IL34: variants seen among roughly 807,000 people sequenced by gnomAD.
The protein encoded by IL34 is interleukin 34.
In IL34, 17 loss-of-function variants were observed where a neutral mutation model predicts 25.3. The ratio of observed to expected loss-of-function variants is 0.67; its 90% CI spans 0.46 to 1.01. The LOEUF (loss-of-function observed/expected upper bound fraction) is 1.01. IL34 is among the 50% of genes least tolerant of loss of function. IL34 has a pLI of 0.00. For synonymous variants in IL34, 174 were observed against 140.9 expected, an observed-to-expected ratio of 1.23 and a Z score of -1.66; for missense variants, 368 against 312.9, an observed-to-expected ratio of 1.18 and a Z score of -1.33.
chr16:70,640,823 C>T (rs2051764236), intron 1 of IL34, among the ~76,000 whole-genome samples: 1 of 152,114 alleles, frequency 6.6e-6, no homozygotes, highest in South Asian at 2.1e-4. Flanking sequence ...TCCCAAAATT[C>T]CCCTGCGCCC....
intron 1 of IL34, among the ~76,000 whole-genome samples, chr16:70,625,592 C>T (rs183604246): frequency 1.0e-3 from 159 of 152,200 alleles, no homozygotes; most frequent in Non-Finnish European, 1.8e-3. Flanking sequence ...GCAGGCATCC[C>T]TGCGTGGTCT....
intron 1 of IL34, among the ~76,000 whole-genome samples, chr16:70,601,356 C>T (rs149162149): frequency 0.012 from 1,775 of 152,238 alleles, 40 homozygotes; most frequent in African/African-American, 0.04. Context: ...ATCCTCCCAC[C>T]TCGGCCTTCC....
chr16:70,610,421 T>C (rs1336353520), intron 1 of IL34, among the ~76,000 whole-genome samples: 1 of 152,182 alleles, frequency 6.6e-6, no homozygotes, highest in East Asian at 1.9e-4. Context: ...CTGGCCCATG[T>C]GTCCAGTTCA....
intron 1 of IL34, among the ~76,000 whole-genome samples, chr16:70,596,754 T>TA (rs972525266): frequency 1.3e-5 from 2 of 152,148 alleles, no homozygotes; most frequent in Non-Finnish European, 2.9e-5. Flanking sequence ...CCCTCTTTAT[T>TA]AAAAAAATTG....
At chr16:70,624,722 C>T (rs1405713923) in intron 1 of IL34, among the ~76,000 whole-genome samples, 1 of 151,914 alleles carries the variant, frequency 6.6e-6, no homozygotes, top group Admixed American at 6.6e-5. Flanking sequence ...GGGCTAGTCA[C>T]TGAACGAAAC....
At chr16:70,647,739 T>C (rs947645810) in intron 1 of IL34, among the ~76,000 whole-genome samples, 1 of 152,128 alleles carries the variant, frequency 6.6e-6, no homozygotes, top group African/African-American at 2.4e-5. Context: ...TGTTGGAGGT[T>C]TGGGGTATGA....
At chr16:70,627,922 C>T (rs1010034390) in intron 1 of IL34, among the ~76,000 whole-genome samples, 1 of 151,992 alleles carries the variant, frequency 6.6e-6, no homozygotes, top group South Asian at 2.1e-4. Flanking sequence ...CTTTTGGTGC[C>T]CATGTATACA....
intron 1 of IL34, among the ~76,000 whole-genome samples, chr16:70,615,646 A>C (rs1301374647): frequency 6.6e-6 from 1 of 151,626 alleles, no homozygotes; most frequent in African/African-American, 2.4e-5. Context: ...AAATATATAG[A>C]TATAGATATA....
intron 1 of IL34, among the ~76,000 whole-genome samples, chr16:70,640,626 T>TAA (rs149787357): frequency 0.049 from 6,490 of 131,734 alleles, 270 homozygotes; most frequent in African/African-American, 0.11. Flanking sequence ...TCCGTCTCAA[T>TAA]AAAAAAAAAA....
chr16:70,648,403 A>G (rs2151872764), intron 1 of IL34, among the ~76,000 whole-genome samples: 1 of 152,024 alleles, frequency 6.6e-6, no homozygotes, highest in East Asian at 1.9e-4. Flanking sequence ...AAAAAGGAAA[A>G]TTAGCCAGGT....
intron 1 of IL34, among the ~76,000 whole-genome samples, chr16:70,583,187 A>C (rs1330057744): frequency 6.6e-6 from 1 of 152,104 alleles, no homozygotes; most frequent in African/African-American, 2.4e-5. Flanking sequence ...ATTTCAGCTC[A>C]CTGCAAACTC....
intron 1 of IL34, among the ~76,000 whole-genome samples, chr16:70,589,554 A>G (rs1264177579): frequency 1.3e-5 from 2 of 151,920 alleles, no homozygotes. Context: ...CCATGTTCCC[A>G]TAAAAGACAT....
intron 1 of IL34, among the ~76,000 whole-genome samples, chr16:70,626,317 T>C (rs2051392300): frequency 6.6e-6 from 1 of 152,192 alleles, no homozygotes; most frequent in African/African-American, 2.4e-5. Flanking sequence ...TATCAGTCTT[T>C]TATGGTTTCT....
intron 1 of IL34, among the ~76,000 whole-genome samples, chr16:70,607,604 C>T (rs2051026932): frequency 6.6e-6 from 1 of 152,168 alleles, no homozygotes; most frequent in African/African-American, 2.4e-5. Context: ...AAGTCTTTCA[C>T]TGTGTATCCA....
chr16:70,626,145 A>C (rs1023977999), intron 1 of IL34, among the ~76,000 whole-genome samples: 26 of 152,284 alleles, frequency 1.7e-4, no homozygotes, highest in Non-Finnish European at 3.1e-4. Context: ...TTAAAATTAC[A>C]TTGTTGGCTT....
intron 1 of IL34, among the ~76,000 whole-genome samples, chr16:70,629,598 G>T (rs906871398): frequency 5.9e-5 from 9 of 152,024 alleles, no homozygotes; most frequent in Admixed American, 2.0e-4. Context: ...TGTAGATACT[G>T]TATAAATAGT....
At chr16:70,613,743 G>A (rs572198325) in intron 1 of IL34, among the ~76,000 whole-genome samples, 16 of 152,036 alleles carry the variant, frequency 1.1e-4, no homozygotes, top group East Asian at 1.9e-4. Context: ...GCATGGTGGC[G>A]TGCACCTGTA....
chr16:70,616,509 TTTTA>T (rs530218735), intron 1 of IL34, among the ~76,000 whole-genome samples: 45 of 152,248 alleles, frequency 3.0e-4, no homozygotes, highest in South Asian at 1.2e-3. Context: ...GTTTTGCTTA[TTTTA>T]TTTATTTATT....
intron 1 of IL34, 163 bp from the exon 2 acceptor site, chr16:70,654,375 A>T (rs2052158828): frequency 1.1e-6 from 1 of 898,598 alleles, no homozygotes; most frequent in Non-Finnish European, 1.6e-6. Flanking sequence ...CTGGAGCCAG[A>T]CCCCAGGGAA....
Sources: allele counts gnomAD v4.1 joint callset (sites outside exome capture counted in the v4.1 genomes callset), GRCh38; gene constraint gnomAD v4.1.1; transcripts MANE v1.5; gene names NCBI Gene and HGNC (gene_info 2026-07-23, HGNC 2026-07-21).